The following SPON1 variants were observed in gnomAD, a reference collection of about 807,000 sequenced individuals.
SPON1 encodes the protein spondin 1, also known as spondin-1.
SPON1 carries 52 observed loss-of-function variants against 111.7 expected under a neutral mutation model. The observed-to-expected ratio is 0.47, with a 90% CI of 0.37 to 0.59. The LOEUF (loss-of-function observed/expected upper bound fraction) is 0.59. Among genes scored for constraint, SPON1 ranks in the 20% least tolerant of loss-of-function variants. The pLI is 0.00. For synonymous variants in SPON1, 410 were observed against 395.8 expected, an observed-to-expected ratio of 1.04 and a Z score of -0.43; for missense variants, 957 against 1,068.5, an observed-to-expected ratio of 0.90 and a Z score of 1.46.
intron 5 of SPON1, among the ~76,000 whole-genome samples, chr11:14,113,597 T>A (rs1554925676): frequency 0.032 from 1,446 of 45,428 alleles, 216 homozygotes; most frequent in African/African-American, 0.093. Context: ...TTTTTTTTTT[T>A]TTTTTTTTTT....
intron 5 of SPON1, among the ~76,000 whole-genome samples, chr11:14,081,544 A>G (rs1376071778): frequency 3.9e-5 from 6 of 151,954 alleles, no homozygotes; most frequent in Admixed American, 1.3e-4. Flanking sequence ...TCAGTCTCCT[A>G]TGCCTGCCTT....
chr11:14,047,529 TATGC>T (rs1316275652), intron 3 of SPON1, among the ~76,000 whole-genome samples: 9 of 152,198 alleles, frequency 5.9e-5, no homozygotes, highest in Admixed American at 1.3e-4. Context: ...TTAAAATATT[TATGC>T]AAAAGCTAGC....
In SPON1 at chr11:14,135,190, G is replaced by A. The variant is rs1403048880; in HGVS notation, c.677-230G>A. The A allele has an allele frequency of 1.6e-5, 7 of 432,254 alleles. No individual in the cohort carries two copies. The highest frequency in any genetic ancestry group is 1.4e-4 in the African/African-American group (7 of 51,422). The allele number at this position is 432,254 out of a possible 1,614,324, so 26.8% of individuals were successfully genotyped here. On this transcript the variant is annotated intron_variant, in intron 5 of 15. Coordinates refer to ENST00000576479, the MANE Select transcript of SPON1 (RefSeq NM_006108.4). The surrounding 1 kb of genome is among the most constrained non-coding windows in gnomAD (Gnocchi z 4.4). Reference sequence around the variant, plus strand: ...CCTAGACAGAACGCATCTCTGGGCTGCCTCTGCGTCTTGTTCAACATCTGC... The same window carrying A: ...CCTAGACAGAACGCATCTCTGGGCTACCTCTGCGTCTTGTTCAACATCTGC...
chr11:14,067,118 A>C (rs963818483), intron 3 of SPON1, among the ~76,000 whole-genome samples: 2 of 152,200 alleles, frequency 1.3e-5, no homozygotes, highest in Non-Finnish European at 2.9e-5. Context: ...TTGAGGCTGC[A>C]GTAAGCTGTG....
chr11:14,041,517 G>A lies in SPON1; in HGVS notation c.346-4G>A, dbSNP rs975360596. ...TGTATTTATTTCCCACTGGTTTTCCGTAGATCATAGACGAAGAAGAAACTC... is the reference window on the plus strand; with the variant it reads ...TGTATTTATTTCCCACTGGTTTTCCATAGATCATAGACGAAGAAGAAACTC... On this transcript the variant is annotated splice_region_variant and splice_polypyrimidine_tract_variant and intron_variant, in intron 2 of 15. Transcript: ENST00000576479. 9 of 1,613,508 alleles carry A rather than the reference G, an allele frequency of 5.6e-6. No homozygotes were observed. The East Asian group carries it at 6.7e-5, about 12-fold the overall frequency.
intron 2 of SPON1, among the ~76,000 whole-genome samples, chr11:14,011,911 C>G (rs1848407870): frequency 1.3e-5 from 2 of 152,238 alleles, no homozygotes; most frequent in South Asian, 4.1e-4. Flanking sequence ...AACCAGGTGA[C>G]CTTGCACAAT....
chr11:14,100,841 C>A (rs1554924316), intron 5 of SPON1, among the ~76,000 whole-genome samples: 1 of 152,124 alleles, frequency 6.6e-6, no homozygotes, highest in Non-Finnish European at 1.5e-5. Context: ...TTTTATTATG[C>A]TCTCACATTT....
intron 6 of SPON1, among the ~76,000 whole-genome samples, chr11:14,168,132 TG>T (rs1433701287): frequency 3.9e-5 from 6 of 152,182 alleles, no homozygotes; most frequent in Non-Finnish European, 7.3e-5. Context: ...CTAGTAGGCA[TG>T]GCTCTCCATA....
chr11:13,986,366 TACTC>T (rs1329045164), intron 2 of SPON1, among the ~76,000 whole-genome samples: 7 of 152,214 alleles, frequency 4.6e-5, no homozygotes, highest in African/African-American at 7.2e-5. Context: ...AAAATTCTAA[TACTC>T]ATTCATTGAT....
At chr11:14,068,967 C>T (rs1006659866) in intron 3 of SPON1, among the ~76,000 whole-genome samples, 3 of 152,276 alleles carry the variant, frequency 2.0e-5, no homozygotes, top group Non-Finnish European at 2.9e-5. Flanking sequence ...CATGGTTGTA[C>T]AATTATACTT....
At chr11:14,211,824 T>A (rs1848579762) in intron 6 of SPON1, among the ~76,000 whole-genome samples, 1 of 152,216 alleles carries the variant, frequency 6.6e-6, no homozygotes, top group South Asian at 2.1e-4. Context: ...TACAGCAAAT[T>A]CTTTGTAAAT....
chr11:14,171,811 T>A (rs1381613521), intron 6 of SPON1, among the ~76,000 whole-genome samples: 3 of 152,302 alleles, frequency 2.0e-5, no homozygotes, highest in Non-Finnish European at 2.9e-5. Flanking sequence ...TTTGAGTGAG[T>A]TTCTTAATCC....
chr11:14,057,831 C>CAAAA (rs782306609), intron 3 of SPON1, among the ~76,000 whole-genome samples: 16,397 of 97,520 alleles, frequency 0.17, 1,457 homozygotes, highest in Non-Finnish European at 0.24. Flanking sequence ...CTTGTCTCTA[C>CAAAA]AAAAAAAAAA....
intron 1 of SPON1, among the ~76,000 whole-genome samples, chr11:13,964,123 T>G (rs1351001290): frequency 6.6e-6 from 1 of 152,130 alleles, no homozygotes; most frequent in African/African-American, 2.4e-5. Flanking sequence ...GCCACCTCGC[T>G]CCTCAGCAGG....
At chr11:14,264,247 C>T (rs539425030) in intron 15 of SPON1, among the ~76,000 whole-genome samples, 157 of 152,214 alleles carry the variant, frequency 1.0e-3, no homozygotes, top group African/African-American at 3.5e-3. Context: ...ATTTTGGGAC[C>T]TGATTCTGTA....
At position 14,222,297 on chromosome 11, in the gene SPON1, G is replaced by A. The variant is rs74784900; in HGVS notation, c.826-21035G>A. Among the ~76,000 whole-genome samples the A allele has an allele frequency of 2.9e-4, 44 of 152,308 alleles. No homozygotes were observed. In the East Asian group the frequency reaches 6.0e-3, roughly 21 times the overall value. ...TCAAGTTGTGACAGGTGACAGAGGC[G>A]TCACATGACAGGGGACCTGATTAGG... On this transcript the variant is annotated intron_variant, in intron 6 of 15. Coordinates refer to ENST00000576479, the MANE Select transcript of SPON1 (RefSeq NM_006108.4).
intron 2 of SPON1, among the ~76,000 whole-genome samples, chr11:13,986,767 C>T (rs888516719): frequency 3.9e-5 from 6 of 151,916 alleles, no homozygotes; most frequent in African/African-American, 1.2e-4. Flanking sequence ...CCTATGTCCA[C>T]GTGTTCTCAT....
chr11:14,099,248 G>A (rs782306354), intron 5 of SPON1, among the ~76,000 whole-genome samples: 17 of 152,072 alleles, frequency 1.1e-4, no homozygotes, highest in Non-Finnish European at 2.1e-4. Flanking sequence ...ACTATTTCCT[G>A]GCTAAATTTA....
intron 6 of SPON1, among the ~76,000 whole-genome samples, chr11:14,171,054 G>A (rs1376215926): frequency 1.3e-5 from 2 of 152,176 alleles, no homozygotes; most frequent in Non-Finnish European, 2.9e-5. Flanking sequence ...GATTGGAATA[G>A]TTTCAGAAGG....
Sources: gnomAD v4.1 joint callset for allele counts (sites outside exome capture counted in the v4.1 genomes callset) on GRCh38, gnomAD v4.1.1 for gene constraint, Gnocchi (gnomAD v3.1) non-coding constraint, MANE v1.5 for transcripts, NCBI Gene and HGNC (gene_info 2026-07-23, HGNC 2026-07-21) for gene names.